The following CCDC88C variants were observed in gnomAD, a reference collection of about 807,000 sequenced individuals.
The protein encoded by CCDC88C is protein Daple.
A neutral mutation model predicts 198.8 loss-of-function variants in CCDC88C; 131 were observed. The ratio of observed to expected loss-of-function variants is 0.66; its 90% CI spans 0.57 to 0.76. CCDC88C has a LOEUF of 0.76. CCDC88C is among the 30% of genes least tolerant of loss of function. The pLI is 0.00. For synonymous variants in CCDC88C, 1,166 were observed against 1,114.7 expected, an observed-to-expected ratio of 1.05 and a Z score of -0.92; for missense variants, 2,553 against 2,631.6, an observed-to-expected ratio of 0.97 and a Z score of 0.65.
chr14:91,404,754 G>A (rs984919930), intron 3 of CCDC88C, among the ~76,000 whole-genome samples: 1 of 152,106 alleles, frequency 6.6e-6, no homozygotes, highest in African/African-American at 2.4e-5. Context: ...ATGAAGTCAG[G>A]AGATCGAGAC....
intron 24 of CCDC88C, among the ~76,000 whole-genome samples, chr14:91,289,966 A>G (rs1423242121): frequency 1.3e-5 from 2 of 152,198 alleles, no homozygotes; most frequent in Admixed American, 6.5e-5. Context: ...TGTGTCAAAC[A>G]GAAGATTCAG....
intron 24 of CCDC88C, among the ~76,000 whole-genome samples, chr14:91,290,110 A>C (rs1055435701): frequency 3.3e-5 from 5 of 152,114 alleles, no homozygotes; most frequent in Non-Finnish European, 5.9e-5. Context: ...CATCTCTACT[A>C]AAAATACAAA....
Position 91,285,829 on chromosome 14 carries a change from C to T in CCDC88C, c.4442-2312G>A, listed in dbSNP as rs185090879. The T allele has an allele frequency of 5.0e-4, 646 of 1,286,508 alleles. 1 individual carries two copies. The highest frequency in any genetic ancestry group is 4.1e-3 in the Middle Eastern group (19 of 4,684). The allele number at this position is 1,286,508 out of a possible 1,614,324, so 79.7% of individuals were successfully genotyped here. On this transcript the variant is annotated intron_variant, in intron 25 of 29. Coordinates refer to ENST00000389857, the MANE Select transcript of CCDC88C (RefSeq NM_001080414.4). ...TTTTCAAAAAGGGACTCTTTTTGCG[C>T]GGAGGTGCTAAATTGTTATCAATCG...
At chr14:91,279,617 A>G in intron 27 of CCDC88C, 1 of 236,658 alleles carries the variant, frequency 4.2e-6, no homozygotes, top group Non-Finnish European at 8.2e-6. Flanking sequence ...TATAGAGGGC[A>G]GACAAAAAAA....
Position 91,273,528 on chromosome 14 carries a change from A to T in CCDC88C, c.5184T>A (p.Phe1728Leu). The T allele has an allele frequency of 6.5e-7, 1 of 1,528,754 alleles. No individual in the cohort carries two copies. Among genetic ancestry groups the T allele is most frequent in the Non-Finnish European group, 8.8e-7 (1 of 1,137,488 alleles). The allele number at this position is 1,528,754 out of a possible 1,614,324, so 94.7% of individuals were successfully genotyped here. The change falls in exon 30 of 30, where the codon TTT becomes TTA. Residue 1728 changes from phenylalanine (F) to leucine (L), a missense_variant. Around this residue, in one of 2 missense-constraint regions of CCDC88C, gnomAD observed 1,293 missense variants for 1,219.6 expected, o/e 1.06. Transcript: ENST00000389857. The surrounding 1 kb of genome is among the most constrained non-coding windows in gnomAD (Gnocchi z 5.6). ...KKEGAKMPTN[F>L]VAPTVKMAAP... ...CGGCCATTTTGACGGTGGGGGCCAC[A>T]AAGTTGGTGGGCATCTTGGCCCCTT...
chr14:91,355,827 C>T lies in CCDC88C; in HGVS notation c.340+3815G>A, dbSNP rs553363488. ...CAGAGAAAGGGGACAAATGCGTAGA[C>T]TCTCAGGGTCTTTTAGTATCATTGT... On this transcript the variant is annotated intron_variant, in intron 4 of 29. Coordinates refer to ENST00000389857, the MANE Select transcript of CCDC88C (RefSeq NM_001080414.4). 5.3e-5 allele frequency among the ~76,000 whole-genome samples: 8 copies of T among 152,210 alleles called. No individual in the cohort carries two copies. The South Asian group carries it at 1.7e-3, about 32-fold the overall frequency.
At chr14:91,412,880 T>G (rs1396188000) in intron 2 of CCDC88C, among the ~76,000 whole-genome samples, 1 of 152,170 alleles carries the variant, frequency 6.6e-6, no homozygotes, top group South Asian at 2.1e-4. Context: ...CAAGTAAAAT[T>G]TCCCCTTTTA....
Position 91,338,775 on chromosome 14 carries a change from A to G in CCDC88C, c.810-205T>C, listed in dbSNP as rs1893174260. On this transcript the variant is annotated intron_variant, in intron 8 of 29. Coordinates refer to ENST00000389857, the MANE Select transcript of CCDC88C (RefSeq NM_001080414.4). This position sits in a 1 kb window ranked among gnomAD's most constrained non-coding sequence, Gnocchi z 4.8. ...TCATAAGTTTGCAACACCGGCCCTT[A>G]AACTATGTCCATCCGCCACTCAGGT... The G allele has an allele frequency of 7.0e-6, 4 of 572,974 alleles. No individual in the cohort carries two copies. The highest frequency in any genetic ancestry group is 5.9e-5 in the Admixed American group (2 of 33,796). 35.5% of individuals were successfully genotyped at this position (572,974 alleles called of 1,614,324 possible). A position where few individuals can be genotyped will look rare whatever the true frequency, so the allele number is the denominator to read the frequency against.
At chr14:91,307,320 T>G (rs1891602114) in intron 17 of CCDC88C, 94 bp from the exon 18 acceptor site, 2 of 1,081,384 alleles carry the variant, frequency 1.8e-6, no homozygotes, top group East Asian at 4.7e-5. Flanking sequence ...CACCACACCC[T>G]CCACACTCCC....
intron 4 of CCDC88C, among the ~76,000 whole-genome samples, chr14:91,355,963 A>G (rs1012073829): frequency 3.3e-5 from 5 of 152,126 alleles, no homozygotes; most frequent in African/African-American, 9.7e-5. Flanking sequence ...AACGTTATAA[A>G]TAACAGTACA....
At chr14:91,412,981 T>G (rs979892238) in intron 2 of CCDC88C, among the ~76,000 whole-genome samples, 5 of 152,048 alleles carry the variant, frequency 3.3e-5, no homozygotes, top group Non-Finnish European at 5.9e-5. Flanking sequence ...TTTTGGGAGG[T>G]AAAGAAACTC....
intron 21 of CCDC88C, 151 bp downstream of exon 21, chr14:91,299,776 T>C (rs1891186232): frequency 3.7e-6 from 4 of 1,075,968 alleles, no homozygotes; most frequent in Non-Finnish European, 5.1e-6. Context: ...AGTTGCCCTT[T>C]AGCTTATTTT....
chr14:91,353,235 G>A (rs1328011268), intron 4 of CCDC88C, among the ~76,000 whole-genome samples: 2 of 152,080 alleles, frequency 1.3e-5, no homozygotes, highest in Non-Finnish European at 2.9e-5. Context: ...GCACTCCCCT[G>A]AGCTCGTTCC....
chr14:91,410,982 T>C (rs1314949951), intron 2 of CCDC88C, among the ~76,000 whole-genome samples: 2 of 152,156 alleles, frequency 1.3e-5, no homozygotes, highest in South Asian at 2.1e-4. Context: ...CATCACAGCA[T>C]AGAAGCCTCT....
At chr14:91,341,373 CCT>C (rs1054822599) in intron 6 of CCDC88C, among the ~76,000 whole-genome samples, 4 of 152,284 alleles carry the variant, frequency 2.6e-5, no homozygotes, top group South Asian at 4.1e-4. Flanking sequence ...CCCTCCTCCC[CCT>C]GAGTCTGACT....
chr14:91,398,302 A>C (rs533865972), intron 3 of CCDC88C, among the ~76,000 whole-genome samples: 1 of 152,328 alleles, frequency 6.6e-6, no homozygotes, highest in East Asian at 1.9e-4. Flanking sequence ...CGTTCAGCAC[A>C]CCACCAGGTC....
At chr14:91,292,646 C>A (rs1468516630) in intron 23 of CCDC88C, among the ~76,000 whole-genome samples, 4 of 152,142 alleles carry the variant, frequency 2.6e-5, no homozygotes, top group Admixed American at 1.3e-4. Flanking sequence ...CGTCCCACCA[C>A]AAGCACGTCC....
At chr14:91,330,015 C>G (rs1217620229) in intron 10 of CCDC88C, among the ~76,000 whole-genome samples, 1 of 152,250 alleles carries the variant, frequency 6.6e-6, no homozygotes, top group African/African-American at 2.4e-5. Flanking sequence ...TCCAACACAA[C>G]TGTGTTCATA....
intron 4 of CCDC88C, among the ~76,000 whole-genome samples, chr14:91,353,431 A>C (rs919202607): frequency 1.3e-5 from 2 of 152,146 alleles, no homozygotes; most frequent in Admixed American, 6.5e-5. Context: ...TTCCTGCCTC[A>C]ACCCAGACTG....
Sources: allele counts gnomAD v4.1 joint callset (sites outside exome capture counted in the v4.1 genomes callset), GRCh38; gene constraint gnomAD v4.1.1; regional missense constraint gnomAD v4.1.1; non-coding constraint Gnocchi (gnomAD v3.1); transcripts MANE v1.5; gene names NCBI Gene and HGNC (gene_info 2026-07-23, HGNC 2026-07-21).